The following PDE1A variants were observed in gnomAD, a reference collection of about 807,000 sequenced individuals.
PDE1A encodes phosphodiesterase 1A, also known as dual specificity calcium/calmodulin-dependent 3',5'-cyclic nucleotide phosphodiesterase 1A.
A neutral mutation model predicts 61.7 loss-of-function variants in PDE1A; 35 were observed. That is an observed-to-expected ratio of 0.57 (90% confidence interval 0.43 to 0.75). The LOEUF is 0.75. Ranked by LOEUF, PDE1A falls within the 30% of genes least tolerant of loss-of-function variation. The pLI, the probability that PDE1A is intolerant of heterozygous loss-of-function variation, is 0.00. For missense variants in PDE1A, 597 were observed against 630.6 expected (o/e 0.95, Z 0.57); for synonymous variants, 232 against 213.2 (o/e 1.09, Z -0.77).
chr2:182,193,722 T>G (rs1685901716), intron 10 of PDE1A, among the ~76,000 whole-genome samples: 1 of 152,154 alleles, frequency 6.6e-6, no homozygotes, highest in Non-Finnish European at 1.5e-5. Context: ...CTGATATAAC[T>G]ATATTTCTGT....
At chr2:182,573,241 T>G in the PDE1A span, among the ~76,000 whole-genome samples, 1 of 152,144 alleles carries the variant, frequency 6.6e-6, no homozygotes, top group African/African-American at 2.4e-5. Flanking sequence ...AAACCTGCTT[T>G]CATGTAACTG....
intron 7 of PDE1A, among the ~76,000 whole-genome samples, chr2:182,209,498 G>C (rs1473890311): frequency 1.3e-5 from 2 of 150,976 alleles, no homozygotes; most frequent in Non-Finnish European, 3.0e-5. Context: ...ATTTGGGTGG[G>C]GGACACAGAG....
At chr2:182,654,939 G>A in the PDE1A span, among the ~76,000 whole-genome samples, 7 of 152,210 alleles carry the variant, frequency 4.6e-5, no homozygotes, top group South Asian at 1.2e-3. Flanking sequence ...GTGGGTCAAG[G>A]CCTCCTGGTT....
intron 2 of PDE1A, among the ~76,000 whole-genome samples, chr2:182,518,767 T>C (rs1304741066): frequency 6.6e-6 from 1 of 152,138 alleles, no homozygotes; most frequent in Non-Finnish European, 1.5e-5. Context: ...CTGAGTAAGA[T>C]AATACTTTGT....
intron 4 of PDE1A, 22 bp from the exon 5 acceptor site, chr2:182,231,153 C>T: frequency 3.4e-6 from 4 of 1,168,322 alleles, no homozygotes; most frequent in Non-Finnish European, 5.1e-6. Context: ...AGAATAAATA[C>T]TTTAGGTGCC....
chr2:182,162,462 G>A (rs1412045114), intron 13 of PDE1A, among the ~76,000 whole-genome samples: 3 of 152,094 alleles, frequency 2.0e-5, no homozygotes, highest in Non-Finnish European at 4.4e-5. Flanking sequence ...GTGAAGAAAA[G>A]TCTAACTCAA....
At chr2:182,703,669 A>G in the PDE1A span, among the ~76,000 whole-genome samples, 4 of 152,194 alleles carry the variant, frequency 2.6e-5, no homozygotes, top group South Asian at 2.1e-4. Context: ...AACTCTGCCA[A>G]TTAGCTGTGT....
At chr2:182,205,812 C>T in intron 8 of PDE1A, 128 bp downstream of exon 8, 1 of 754,114 alleles carries the variant, frequency 1.3e-6, no homozygotes. Flanking sequence ...TCAGAGTCAT[C>T]CAGTCGACAG....
At chr2:182,428,825 T>C (rs1703772684), upstream of PDE1A, among the ~76,000 whole-genome samples, 1 of 152,128 alleles carries the variant, frequency 6.6e-6, no homozygotes, top group Non-Finnish European at 1.5e-5. Flanking sequence ...CCATCAACTT[T>C]TAAAAATTAA....
the PDE1A span, among the ~76,000 whole-genome samples, chr2:182,656,704 T>C: frequency 1.3e-5 from 2 of 152,230 alleles, no homozygotes; most frequent in African/African-American, 4.8e-5. Context: ...GCATACCATA[T>C]TTGTATTCCT....
chr2:182,208,968 T>C (rs1281802247), intron 7 of PDE1A, among the ~76,000 whole-genome samples: 1 of 152,172 alleles, frequency 6.6e-6, no homozygotes, highest in Non-Finnish European at 1.5e-5. Context: ...GCTTTGGAGT[T>C]GGACTTTTGA....
chr2:182,410,518 T>C (rs145384371), intron 1 of PDE1A, among the ~76,000 whole-genome samples: 2,324 of 152,332 alleles, frequency 0.015, 30 homozygotes, highest in Middle Eastern at 0.048. Flanking sequence ...AAATATTTAA[T>C]GTGAGAGTCT....
chr2:182,179,742 T>C (rs999146565), intron 13 of PDE1A, among the ~76,000 whole-genome samples: 1 of 152,166 alleles, frequency 6.6e-6, no homozygotes, highest in African/African-American at 2.4e-5. Flanking sequence ...CAGATAATCA[T>C]TTGAATTTCT....
the PDE1A span, among the ~76,000 whole-genome samples, chr2:182,564,755 T>C: frequency 1.3e-5 from 2 of 152,192 alleles, no homozygotes; most frequent in Non-Finnish European, 2.9e-5. Context: ...TTCGTTTCTT[T>C]TTATTCTTTT....
At chr2:182,644,703 G>C in the PDE1A span, among the ~76,000 whole-genome samples, 2 of 152,030 alleles carry the variant, frequency 1.3e-5, no homozygotes, top group Non-Finnish European at 2.9e-5. Context: ...CTGTTCAGAG[G>C]ACTGTGGTGA....
chr2:182,367,565 G>A (rs1332160704), intron 1 of PDE1A, among the ~76,000 whole-genome samples: 4 of 152,070 alleles, frequency 2.6e-5, no homozygotes, highest in African/African-American at 7.2e-5. Context: ...CTTACAACTT[G>A]GGTAGTTAAT....
At chr2:182,394,806 G>C (rs1441449341) in intron 1 of PDE1A, among the ~76,000 whole-genome samples, 2 of 152,142 alleles carry the variant, frequency 1.3e-5, no homozygotes, top group Non-Finnish European at 2.9e-5. Flanking sequence ...TGTAGGGTGA[G>C]GGCTACTATG....
intron 1 of PDE1A, among the ~76,000 whole-genome samples, chr2:182,316,915 G>C (rs1350931886): frequency 1.3e-5 from 2 of 152,130 alleles, no homozygotes; most frequent in African/African-American, 4.8e-5. Flanking sequence ...TCATTAAAAA[G>C]AGTGAAAAGT....
intron 2 of PDE1A, among the ~76,000 whole-genome samples, chr2:182,447,862 G>A (rs1685245891): frequency 6.6e-6 from 1 of 152,040 alleles, no homozygotes; most frequent in African/African-American, 2.4e-5. Flanking sequence ...TGCCTAAACT[G>A]TTTAAACAGG....
Sources: allele counts gnomAD v4.1 joint callset (sites outside exome capture counted in the v4.1 genomes callset), GRCh38; gene constraint gnomAD v4.1.1; transcripts MANE v1.5; gene names NCBI Gene and HGNC (gene_info 2026-07-23, HGNC 2026-07-21).